OSBPL10: variants seen among roughly 807,000 people sequenced by gnomAD.
OSBPL10 encodes oxysterol binding protein like 10, also known as oxysterol-binding protein-related protein 10.
A neutral mutation model predicts 81.7 loss-of-function variants in OSBPL10; 49 were observed. That is an observed-to-expected ratio of 0.60 (90% CI 0.48 to 0.76). The LOEUF (loss-of-function observed/expected upper bound fraction) is 0.76. Ranked by LOEUF, OSBPL10 falls within the 30% of genes least tolerant of loss-of-function variation. OSBPL10 has a pLI of 0.00. For missense variants in OSBPL10, 923 were observed against 987.8 expected, an observed-to-expected ratio of 0.93 and a Z score of 0.88; for synonymous variants, 419 against 383.6, an observed-to-expected ratio of 1.09 and a Z score of -1.08.
chr3:31,914,308 G>A (rs1350707676), intron 1 of OSBPL10, among the ~76,000 whole-genome samples: 2 of 152,196 alleles, frequency 1.3e-5, no homozygotes, highest in Admixed American at 6.5e-5. Flanking sequence ...AGGTATTGGT[G>A]AATAAAAGAG....
intron 4 of OSBPL10, among the ~76,000 whole-genome samples, chr3:31,758,116 C>A (rs945774896): frequency 3.9e-5 from 6 of 152,260 alleles, no homozygotes; most frequent in Non-Finnish European, 7.4e-5. Flanking sequence ...GATACCTCCC[C>A]AAAATCTGCC....
chr3:31,981,203 G>A lies in OSBPL10; in HGVS notation c.-24C>T. ...ATGGTCCGTGGGCGCCCGGGACGCG[G>A]GTGCCCGCCGCGGTGGCGGCCCCGG... On this transcript the variant is annotated 5_prime_UTR_variant, in exon 1 of 12. Transcript: ENST00000396556. The surrounding 1 kb of genome is among the most constrained non-coding windows in gnomAD (Gnocchi z 4.5). 4 of 1,381,032 alleles carry A rather than the reference G, an allele frequency of 2.9e-6. No homozygotes were observed. The highest frequency in any genetic ancestry group is 1.7e-5 in the South Asian group (1 of 59,838). 85.5% of individuals were successfully genotyped at this position (1,381,032 alleles called of 1,614,324 possible).
chr3:31,665,278 A>C (rs1700162089), intron 10 of OSBPL10, among the ~76,000 whole-genome samples: 1 of 152,218 alleles, frequency 6.6e-6, no homozygotes, highest in African/African-American at 2.4e-5. Flanking sequence ...ACTTAAATGC[A>C]TCAGAAGGTC....
intron 2 of OSBPL10, among the ~76,000 whole-genome samples, chr3:31,999,122 G>A (rs141510507): frequency 2.1e-3 from 317 of 152,250 alleles, no homozygotes; most frequent in African/African-American, 7.1e-3. Context: ...AGCTTGATCA[G>A]CTGTCTCCCC....
At chr3:31,698,418 T>G (rs1402969278) in intron 7 of OSBPL10, among the ~76,000 whole-genome samples, 1 of 151,928 alleles carries the variant, frequency 6.6e-6, no homozygotes, top group African/African-American at 2.4e-5. Flanking sequence ...ACCATTGTAC[T>G]CCAGCCTGGG....
upstream of OSBPL10, chr3:31,981,365 G>T: frequency 2.8e-6 from 3 of 1,055,526 alleles, no homozygotes; most frequent in Non-Finnish European, 3.6e-6. The surrounding 1 kb of genome is among the most constrained non-coding windows in gnomAD (Gnocchi z 4.5). Context: ...AAGCCAACGG[G>T]GCTGGATGCA....
intron 1 of OSBPL10, among the ~76,000 whole-genome samples, chr3:31,881,186 C>T (rs1036757641): frequency 6.6e-6 from 1 of 152,112 alleles, no homozygotes; most frequent in Non-Finnish European, 1.5e-5. Flanking sequence ...GGTTTCCCCA[C>T]TAGACTACAC....
chr3:31,703,386 C>T (rs943738587), intron 6 of OSBPL10, among the ~76,000 whole-genome samples: 9 of 152,214 alleles, frequency 5.9e-5, no homozygotes, highest in Non-Finnish European at 1.0e-4. Flanking sequence ...CTGCACAGAA[C>T]ATTATACATT....
chr3:31,966,748 C>A (rs1241930833), intron 1 of OSBPL10, among the ~76,000 whole-genome samples: 4 of 151,240 alleles, frequency 2.6e-5, no homozygotes, highest in Admixed American at 2.0e-4. Context: ...AGAAAACAAA[C>A]AACCTGATTG....
chr3:31,992,281 C>T (rs887662526), intron 2 of OSBPL10, among the ~76,000 whole-genome samples: 6 of 152,044 alleles, frequency 3.9e-5, no homozygotes, highest in African/African-American at 1.4e-4. Flanking sequence ...AATGCAAAGG[C>T]AATTCAATGC....
chr3:31,761,039 C>T (rs923712488), intron 4 of OSBPL10, among the ~76,000 whole-genome samples: 11 of 151,978 alleles, frequency 7.2e-5, no homozygotes, highest in Non-Finnish European at 1.2e-4. Flanking sequence ...TATTCTCAGT[C>T]GTGTGTGAGC....
At position 31,720,065 on chromosome 3, in the gene OSBPL10, A is replaced by T. The variant is rs1030827032; in HGVS notation, c.1095+13192T>A. On this transcript the variant is annotated intron_variant, in intron 6 of 11. Transcript: ENST00000396556. ...AAGAACATATATATATATTATATAT[A>T]TTTTATATATTATATGTATATGTTT... 1.1e-3 allele frequency among the ~76,000 whole-genome samples: 164 copies of T among 148,616 alleles called. 1 individual carries two copies. The highest frequency in any genetic ancestry group is 3.9e-3 in the African/African-American group (158 of 40,930).
intron 7 of OSBPL10, among the ~76,000 whole-genome samples, chr3:31,692,002 C>A (rs1012218886): frequency 6.6e-6 from 1 of 152,180 alleles, no homozygotes; most frequent in Non-Finnish European, 1.5e-5. Flanking sequence ...CCCTCACACC[C>A]ATTTCATGGT....
chr3:32,010,624 G>A (rs1439523995), intron 2 of OSBPL10, among the ~76,000 whole-genome samples: 1 of 152,202 alleles, frequency 6.6e-6, no homozygotes, highest in Non-Finnish European at 1.5e-5. Context: ...CACTGAGCAT[G>A]AGCCGAAGCA....
intron 1 of OSBPL10, among the ~76,000 whole-genome samples, chr3:31,882,973 G>T (rs1334998326): frequency 1.3e-5 from 2 of 152,180 alleles, no homozygotes; most frequent in East Asian, 1.9e-4. Flanking sequence ...AATGAGAGAA[G>T]AACCAGGGTA....
At chr3:32,054,915 G>T (rs551485393) in intron 1 of OSBPL10, among the ~76,000 whole-genome samples, 35 of 152,204 alleles carry the variant, frequency 2.3e-4, no homozygotes, top group Non-Finnish European at 1.2e-4. Flanking sequence ...CTCTACATAA[G>T]GTGGTTTATA....
intron 2 of OSBPL10, among the ~76,000 whole-genome samples, chr3:31,994,936 A>C (rs1699073719): frequency 6.6e-6 from 1 of 152,176 alleles, no homozygotes. Flanking sequence ...CAGGGGTGAC[A>C]TCACATATTG....
At chr3:31,934,188 A>G (rs750995572) in intron 1 of OSBPL10, among the ~76,000 whole-genome samples, 1 of 148,488 alleles carries the variant, frequency 6.7e-6, no homozygotes, top group Non-Finnish European at 1.5e-5. Flanking sequence ...CAAAAAAGGA[A>G]GCCAGGCATG....
chr3:31,809,704 A>T (rs1424274963), intron 4 of OSBPL10, among the ~76,000 whole-genome samples: 1 of 152,194 alleles, frequency 6.6e-6, no homozygotes, highest in African/African-American at 2.4e-5. Context: ...TAGTTCTGGA[A>T]TATGAATGTG....
Sources: gnomAD v4.1 joint callset for allele counts (sites outside exome capture counted in the v4.1 genomes callset) on GRCh38, gnomAD v4.1.1 for gene constraint, Gnocchi (gnomAD v3.1) non-coding constraint, MANE v1.5 for transcripts, NCBI Gene and HGNC (gene_info 2026-07-23, HGNC 2026-07-21) for gene names.